Variants in GABPA observed in about 807,000 individuals in gnomAD.
GABPA encodes the protein GA-binding protein alpha chain.
A neutral mutation model predicts 59.4 loss-of-function variants in GABPA; 4 were observed. That is an observed-to-expected ratio of 0.07 (90% confidence interval 0.03 to 0.15). GABPA has a LOEUF of 0.15. Ranked by LOEUF, GABPA falls within the 10% of genes least tolerant of loss-of-function variation. The pLI, the probability that GABPA is intolerant of heterozygous loss-of-function variation, is 1.00. For missense variants in GABPA, 251 were observed against 543.8 expected, an observed-to-expected ratio of 0.46 and a Z score of 5.36; for synonymous variants, 164 against 183.1, an observed-to-expected ratio of 0.90 and a Z score of 0.84.
chr21:25,764,561 T>C (rs770060479), intron 8 of GABPA, 34 bp from the exon 9 acceptor site: 3 of 1,581,410 alleles, frequency 1.9e-6, no homozygotes, highest in Non-Finnish European at 2.6e-6. Flanking sequence ...TCTATAACAC[T>C]ATAGCTAATG....
At position 25,735,401 on chromosome 21, in the gene GABPA, G is replaced by GA. The variant is rs920049383; in HGVS notation, c.-203dup. ...GGACCCGAAGGTGCCTGGGAGGCGG[G>GA]AGGGGGGTTGGGGCTTCTCAGCGCC... On this transcript the variant is annotated 5_prime_UTR_variant, in exon 1 of 10. Transcript: ENST00000400075. 5.8e-4 allele frequency: 106 copies of GA among 182,450 alleles called. 1 individual carries two copies. Among genetic ancestry groups the GA allele is most frequent in the African/African-American group, 2.4e-3 (101 of 42,396 alleles). 11.3% of individuals were successfully genotyped at this position (182,450 alleles called of 1,614,324 possible). A position where few individuals can be genotyped will look rare whatever the true frequency, so the allele number is the denominator to read the frequency against.
rs996977960 is a variant in GABPA, at chr21:25,772,349, ATTT to A, written c.*3123_*3125del. The A allele has an allele frequency of 6.6e-6, 1 of 151,900 alleles. No individual in the cohort carries two copies. Among genetic ancestry groups the A allele is most frequent in the Non-Finnish European group, 1.5e-5 (1 of 67,882 alleles). The allele number at this position is 151,900 out of a possible 1,614,324, so 9.4% of individuals were successfully genotyped here. A position where few individuals can be genotyped will look rare whatever the true frequency, so the allele number is the denominator to read the frequency against. On this transcript the variant is annotated 3_prime_UTR_variant, in exon 10 of 10. Coordinates refer to ENST00000400075, the MANE Select transcript of GABPA (RefSeq NM_002040.4). ...AATTATGTATTTCTTTGTGGTTTTA[ATTT>A]TTTTTGTAATTTTACATAAAACAGT...
intron 1 of GABPA, among the ~76,000 whole-genome samples, chr21:25,741,090 C>T (rs1232096529): frequency 6.6e-6 from 1 of 152,126 alleles, no homozygotes; most frequent in African/African-American, 2.4e-5. Flanking sequence ...TAATAAACAC[C>T]AGTTTTTTAA....
chr21:25,747,705 C>G (rs2035402724), intron 3 of GABPA, among the ~76,000 whole-genome samples: 1 of 152,132 alleles, frequency 6.6e-6, no homozygotes, highest in Admixed American at 6.5e-5. Flanking sequence ...TGTCCTTGTT[C>G]TGGCTTTTAG....
chr21:25,758,496 T>G (rs1361869855), intron 6 of GABPA, among the ~76,000 whole-genome samples: 3 of 152,156 alleles, frequency 2.0e-5, no homozygotes, highest in Non-Finnish European at 2.9e-5. Flanking sequence ...AGGCTAACAT[T>G]AGAATCCAAG....
At chr21:25,744,242 A>C (rs968087934) in intron 2 of GABPA, among the ~76,000 whole-genome samples, 9 of 152,132 alleles carry the variant, frequency 5.9e-5, no homozygotes, top group Non-Finnish European at 1.3e-4. Flanking sequence ...CTGTAGTCCC[A>C]GCTACTTGGG....
At chr21:25,750,188 C>G (rs1287684731) in intron 4 of GABPA, among the ~76,000 whole-genome samples, 1 of 152,154 alleles carries the variant, frequency 6.6e-6, no homozygotes, top group African/African-American at 2.4e-5. Context: ...AGGGTTTGTG[C>G]TCCTATGAGA....
intron 2 of GABPA, among the ~76,000 whole-genome samples, chr21:25,743,700 G>A (rs538072285): frequency 6.6e-6 from 1 of 151,554 alleles, no homozygotes; most frequent in Admixed American, 6.6e-5. Context: ...GTATAAAGTA[G>A]TTCTTTAAAA....
At chr21:25,754,148 C>A (rs921765246) in intron 5 of GABPA, among the ~76,000 whole-genome samples, 1 of 152,106 alleles carries the variant, frequency 6.6e-6, no homozygotes, top group Admixed American at 6.6e-5. Flanking sequence ...AGTATAAAAT[C>A]TTTTCTAATT....
intron 5 of GABPA, among the ~76,000 whole-genome samples, chr21:25,753,444 C>G (rs555991290): frequency 2.6e-5 from 4 of 152,220 alleles, no homozygotes; most frequent in African/African-American, 9.6e-5. Context: ...ACACTTGACC[C>G]TGTAAACATT....
chr21:25,764,093 T>A, intron 7 of GABPA, 117 bp from the exon 8 acceptor site: 1 of 788,410 alleles, frequency 1.3e-6, no homozygotes, highest in Non-Finnish European at 1.9e-6. Context: ...TGTAGTGAAG[T>A]ACTTTCTTGG....
Position 25,764,273 on chromosome 21 carries a change from G to C in GABPA, c.866G>C (p.Ser289Thr). ...ATPTTIKVINSSAKAAKVQRA... is the reference protein window; with the variant it reads ...ATPTTIKVINTSAKAAKVQRA... ...CCTACTACCATTAAAGTTATAAATAGTAGTGCGAAAGCAGCCAAAGTACAA... is the reference window on the plus strand; with the variant it reads ...CCTACTACCATTAAAGTTATAAATACTAGTGCGAAAGCAGCCAAAGTACAA... Residue 289 changes from serine (S) to threonine (T), a missense_variant, in exon 8 of 10, where the codon AGT becomes ACT. Ser to Thr is a moderately conservative substitution (Grantham distance 58). Around this residue, in one of 4 missense-constraint regions of GABPA, gnomAD observed 207 missense variants for 366.7 expected, o/e 0.56. Coordinates refer to ENST00000400075, the MANE Select transcript of GABPA (RefSeq NM_002040.4). 6.2e-7 allele frequency: 1 copy of C among 1,612,202 alleles called. No homozygotes were observed. The highest frequency in any genetic ancestry group is 8.5e-7 in the Non-Finnish European group (1 of 1,179,078).
intron 1 of GABPA, among the ~76,000 whole-genome samples, chr21:25,740,346 G>A (rs1354281454): frequency 2.0e-5 from 3 of 152,146 alleles, no homozygotes; most frequent in South Asian, 4.1e-4. Flanking sequence ...TGTAAATGTC[G>A]AAATACCAAA....
intron 7 of GABPA, chr21:25,763,197 C>A (rs2035805877): frequency 1.9e-6 from 1 of 517,488 alleles, no homozygotes. Flanking sequence ...CAGTTGCTGT[C>A]TCTTAAACAT....
intron 7 of GABPA, chr21:25,763,056 A>G (rs2035802335): frequency 5.1e-6 from 2 of 388,862 alleles, no homozygotes; most frequent in Non-Finnish European, 5.0e-6. Context: ...TGGGTACTGT[A>G]CTTGCTAGAA....
rs45484797 is a variant in GABPA, at chr21:25,749,149, A to C, written c.307+29A>C. 1.9e-3 allele frequency: 2,382 copies of C among 1,262,280 alleles called. 34 individuals are homozygous for C. In the African/African-American group the frequency reaches 0.03, roughly 16 times the overall value. The allele number at this position is 1,262,280 out of a possible 1,614,324, so 78.2% of individuals were successfully genotyped here. On this transcript the variant is annotated intron_variant, in intron 4 of 9. Coordinates refer to ENST00000400075, the MANE Select transcript of GABPA (RefSeq NM_002040.4). ...AGTTACTTTTCATGATAGTTATTTA[A>C]AATTTTAGCTCATGTTTTTCTGATA...
intron 7 of GABPA, 79 bp downstream of exon 7, chr21:25,762,444 T>G: frequency 2.7e-6 from 3 of 1,110,504 alleles, no homozygotes; most frequent in Non-Finnish European, 2.6e-6. Context: ...AAAAGGAAAA[T>G]TATTTAAAAA....
intron 9 of GABPA, 30 bp downstream of exon 9, chr21:25,764,817 T>C (rs768112068): frequency 6.8e-7 from 1 of 1,460,482 alleles, no homozygotes; most frequent in Non-Finnish European, 9.1e-7. Flanking sequence ...TTTTCTGTTA[T>C]CAAAAATAGA....
At chr21:25,761,147 T>C (rs1422124200) in intron 6 of GABPA, among the ~76,000 whole-genome samples, 1 of 152,150 alleles carries the variant, frequency 6.6e-6, no homozygotes, top group Non-Finnish European at 1.5e-5. Context: ...AGGAGAATGC[T>C]CAGAACTAGG....
Sources: gnomAD v4.1 joint callset for allele counts (sites outside exome capture counted in the v4.1 genomes callset) on GRCh38, gnomAD v4.1.1 for gene constraint, gnomAD v4.1.1 regional missense constraint, MANE v1.5 for transcripts, NCBI Gene and HGNC (gene_info 2026-07-23, HGNC 2026-07-21) for gene names.